The following TSNARE1 variants were observed in gnomAD, a reference collection of about 807,000 sequenced individuals.
TSNARE1 encodes t-SNARE domain containing 1, also known as t-SNARE domain-containing protein 1.
Under a neutral mutation model 62.0 loss-of-function variants are expected in TSNARE1, and 49 were observed. The ratio of observed to expected loss-of-function variants is 0.79; its 90% CI spans 0.63 to 1.00. The LOEUF (loss-of-function observed/expected upper bound fraction) is 1.00. TSNARE1 is among the 50% of genes least tolerant of loss of function. TSNARE1 has a pLI of 0.00. For missense variants in TSNARE1, 755 were observed against 700.1 expected, an observed-to-expected ratio of 1.08 and a Z score of -0.88; for synonymous variants, 328 against 294.4, an observed-to-expected ratio of 1.11 and a Z score of -1.17.
chr8:142,297,608 C>T (rs534494429), intron 10 of TSNARE1, among the ~76,000 whole-genome samples: 4 of 152,316 alleles, frequency 2.6e-5, no homozygotes, highest in African/African-American at 4.8e-5. Flanking sequence ...AGCCGAGGTG[C>T]GTAACACAGC....
At chr8:142,216,746 C>T (rs1815858701) in intron 13 of TSNARE1, among the ~76,000 whole-genome samples, 1 of 152,230 alleles carries the variant, frequency 6.6e-6, no homozygotes, top group Non-Finnish European at 1.5e-5. Context: ...CCCCTCTGAG[C>T]TGTCCTCATA....
chr8:142,217,753 A>G (rs1815954244), intron 13 of TSNARE1, among the ~76,000 whole-genome samples: 1 of 151,958 alleles, frequency 6.6e-6, no homozygotes, highest in Admixed American at 6.6e-5. Flanking sequence ...TCAGTGTGTG[A>G]CCAGGATCAG....
At chr8:142,340,868 A>T (rs2130094834) in intron 4 of TSNARE1, among the ~76,000 whole-genome samples, 1 of 152,354 alleles carries the variant, frequency 6.6e-6, no homozygotes, top group Non-Finnish European at 1.5e-5. Context: ...ACGTGCCTAG[A>T]CACCTCCCTG....
intron 1 of TSNARE1, among the ~76,000 whole-genome samples, chr8:142,387,490 A>T (rs1356870774): frequency 6.6e-6 from 1 of 152,168 alleles, no homozygotes; most frequent in Non-Finnish European, 1.5e-5. Flanking sequence ...TGAATCTTGG[A>T]AGAAAAAATA....
At chr8:142,313,911 T>G (rs1298570994) in intron 9 of TSNARE1, among the ~76,000 whole-genome samples, 1 of 152,324 alleles carries the variant, frequency 6.6e-6, no homozygotes, top group Admixed American at 6.5e-5. Flanking sequence ...CCCATGTAGC[T>G]GGGATGACAG....
rs539697561 is a variant in TSNARE1 at position 142,335,721 on chromosome 8, C to T, written c.746-3890G>A. 2.6e-5 allele frequency among the ~76,000 whole-genome samples: 4 copies of T among 152,192 alleles called. No homozygotes were observed. The South Asian group carries it at 6.2e-4, about 24-fold the overall frequency. ...GCCTTACACTTAATGATGCATGAGC[C>T]GAAGACGGCTCGTCCACTCCAGTAG... On this transcript the variant is annotated intron_variant, in intron 4 of 13. Transcript: ENST00000524325.
At chr8:142,391,644 A>T (rs369154243) in intron 1 of TSNARE1, among the ~76,000 whole-genome samples, 24 of 152,200 alleles carry the variant, frequency 1.6e-4, no homozygotes, top group East Asian at 9.6e-4. Flanking sequence ...GCGGGTGCTC[A>T]CAGTGGAAGC....
Position 142,291,310 on chromosome 8 carries a change from G to A in TSNARE1, c.1291-6825C>T, listed in dbSNP as rs1381890464. ...ACCTGGGCTCGAATCCCAGCTCCAT[G>A]GCGTGTGAGCTGTGTGACCCTGGGC... On this transcript the variant is annotated intron_variant, in intron 10 of 13. Transcript: ENST00000524325. This position sits in a 1 kb window ranked among gnomAD's most constrained non-coding sequence, Gnocchi z 4.8. 6.6e-6 allele frequency among the ~76,000 whole-genome samples: 1 copy of A among 152,076 alleles called. No homozygotes were observed. Among genetic ancestry groups the A allele is most frequent in the African/African-American group, 2.4e-5 (1 of 41,420 alleles).
chr8:142,255,134 G>A (rs1288296631), intron 12 of TSNARE1, among the ~76,000 whole-genome samples: 4 of 151,952 alleles, frequency 2.6e-5, no homozygotes, highest in Non-Finnish European at 5.9e-5. Context: ...AGTGAGGCAG[G>A]TGGGGACTCT....
chr8:142,344,558 C>G (rs1420494962), intron 3 of TSNARE1, 86 bp from the exon 4 acceptor site: 1 of 1,345,648 alleles, frequency 7.4e-7, no homozygotes, highest in Non-Finnish European at 9.7e-7. Context: ...GGCGCCTCCT[C>G]TCTGGTTTCT....
intron 9 of TSNARE1, among the ~76,000 whole-genome samples, chr8:142,308,798 A>G (rs1827112685): frequency 6.6e-6 from 1 of 152,174 alleles, no homozygotes; most frequent in Non-Finnish European, 1.5e-5. Context: ...ACACACACAC[A>G]CTGAAAACCT....
chr8:142,250,690 C>T (rs535710309), intron 12 of TSNARE1, among the ~76,000 whole-genome samples: 5 of 152,204 alleles, frequency 3.3e-5, no homozygotes, highest in Admixed American at 1.3e-4. Context: ...CAGCCCCAGG[C>T]GCTTGCAGAC....
chr8:142,274,583 C>T (rs1385804863), intron 12 of TSNARE1, 198 bp downstream of exon 12: 1 of 985,392 alleles, frequency 1.0e-6, no homozygotes, highest in Non-Finnish European at 1.2e-6. Context: ...GGGCACCACG[C>T]AGACCACTGC....
intron 9 of TSNARE1, among the ~76,000 whole-genome samples, chr8:142,304,672 C>T (rs1826366178): frequency 6.6e-6 from 1 of 152,238 alleles, no homozygotes; most frequent in Non-Finnish European, 1.5e-5. Context: ...CTGACCTCAG[C>T]ACGTCCTAGT....
chr8:142,340,777 A>G (rs1423628960), intron 4 of TSNARE1, among the ~76,000 whole-genome samples: 1 of 152,138 alleles, frequency 6.6e-6, no homozygotes, highest in Non-Finnish European at 1.5e-5. Context: ...CCTTTGCCTC[A>G]GACCCCAGGG....
intron 9 of TSNARE1, among the ~76,000 whole-genome samples, chr8:142,307,679 G>A (rs1404978103): frequency 6.6e-6 from 1 of 152,224 alleles, no homozygotes; most frequent in African/African-American, 2.4e-5. Flanking sequence ...TTTTCAGTCT[G>A]AGTGGTGGAA....
At chr8:142,386,943 C>A (rs962806911) in intron 1 of TSNARE1, among the ~76,000 whole-genome samples, 1 of 152,138 alleles carries the variant, frequency 6.6e-6, no homozygotes, top group African/African-American at 2.4e-5. Context: ...CTAAATAACA[C>A]AACTAAGGCG....
intron 1 of TSNARE1, among the ~76,000 whole-genome samples, chr8:142,388,599 C>A (rs550589944): frequency 4.1e-5 from 6 of 146,726 alleles, no homozygotes; most frequent in African/African-American, 1.5e-4. Context: ...GCTCTGTCAC[C>A]CAAGCTGGAA....
Position 142,273,321 on chromosome 8 carries a change from G to A in TSNARE1, c.1446+1460C>T, listed in dbSNP as rs1278118392. 6 of 985,420 alleles carry A rather than the reference G, an allele frequency of 6.1e-6. No individual in the cohort carries two copies. In the Admixed American group the frequency reaches 3.7e-4, roughly 60 times the overall value. The allele number at this position is 985,420 out of a possible 1,614,324, so 61.0% of individuals were successfully genotyped here. A position where few individuals can be genotyped will look rare whatever the true frequency, so the allele number is the denominator to read the frequency against. Reference sequence around the variant, plus strand: ...CTGGCTGGCTTTCCTCTTGAAACAAGGCCTTCTGCGTGGTGTGGCCCTGAG... The same window carrying A: ...CTGGCTGGCTTTCCTCTTGAAACAAAGCCTTCTGCGTGGTGTGGCCCTGAG... On this transcript the variant is annotated intron_variant, in intron 12 of 13. Transcript: ENST00000524325.
Sources: allele counts gnomAD v4.1 joint callset (sites outside exome capture counted in the v4.1 genomes callset), GRCh38; gene constraint gnomAD v4.1.1; non-coding constraint Gnocchi (gnomAD v3.1); transcripts MANE v1.5; gene names NCBI Gene and HGNC (gene_info 2026-07-23, HGNC 2026-07-21).